AMBRA1: variants seen among roughly 807,000 people sequenced by gnomAD.
The protein encoded by AMBRA1 is autophagy and beclin 1 regulator 1.
AMBRA1 carries 47 observed loss-of-function variants against 125.4 expected under a neutral mutation model. The observed-to-expected ratio is 0.37, with a 90% confidence interval of 0.30 to 0.48. AMBRA1 has a LOEUF of 0.48. Ranked by LOEUF, AMBRA1 falls within the 20% of genes least tolerant of loss-of-function variation. The pLI is 0.99. For synonymous variants in AMBRA1, 626 were observed against 655.5 expected, an observed-to-expected ratio of 0.95 and a Z score of 0.69; for missense variants, 1,331 against 1,693.4, an observed-to-expected ratio of 0.79 and a Z score of 3.76.
At chr11:46,574,655 T>G (rs1184749532) in intron 1 of AMBRA1, among the ~76,000 whole-genome samples, 1 of 152,102 alleles carries the variant, frequency 6.6e-6, no homozygotes, top group Non-Finnish European at 1.5e-5. Context: ...GTAAAGCAGG[T>G]CAAAGTTGAG....
intron 7 of AMBRA1, among the ~76,000 whole-genome samples, chr11:46,515,640 G>T (rs944937279): frequency 6.6e-6 from 1 of 152,130 alleles, no homozygotes; most frequent in Non-Finnish European, 1.5e-5. Flanking sequence ...GATCTGAAGG[G>T]TTTGCATTAG....
At position 46,397,298 on chromosome 11, in the gene AMBRA1, CACTG is replaced by C. The variant is rs1359005427; in HGVS notation, c.*148_*151del. ...CTTGCCCATTTGACTGTCTTGTGCC[CACTG>C]ACTGATCTTCCTCTCCACCCTGACC... On this transcript the variant is annotated 3_prime_UTR_variant, in exon 18 of 18. Coordinates refer to ENST00000683756, the MANE Select transcript of AMBRA1 (RefSeq NM_001387011.1). 3.6e-6 allele frequency: 4 copies of C among 1,101,076 alleles called. No homozygotes were observed. Among genetic ancestry groups the C allele is most frequent in the Non-Finnish European group, 4.8e-6 (4 of 835,012 alleles). 68.2% of individuals were successfully genotyped at this position (1,101,076 alleles called of 1,614,324 possible).
At chr11:46,489,455 T>G (rs1950389586) in intron 11 of AMBRA1, among the ~76,000 whole-genome samples, 1 of 152,062 alleles carries the variant, frequency 6.6e-6, no homozygotes, top group Admixed American at 6.5e-5. Flanking sequence ...GTTTTTCTTT[T>G]TTATATTTAA....
chr11:46,518,027 C>T (rs1951582523), intron 7 of AMBRA1: 1 of 761,766 alleles, frequency 1.3e-6, no homozygotes, highest in Non-Finnish European at 1.6e-6. Context: ...ATCCTCTATA[C>T]GTTTTCTGCA....
intron 6 of AMBRA1, among the ~76,000 whole-genome samples, chr11:46,543,733 A>G (rs923480523): frequency 6.6e-6 from 1 of 152,128 alleles, no homozygotes; most frequent in Non-Finnish European, 1.5e-5. Flanking sequence ...GCTATCCAAC[A>G]CTGTCTAGTG....
At chr11:46,456,407 C>A (rs965781084) in intron 11 of AMBRA1, among the ~76,000 whole-genome samples, 8 of 152,204 alleles carry the variant, frequency 5.3e-5, no homozygotes, top group Admixed American at 2.6e-4. Context: ...AGGACACTGG[C>A]TTAGGTGGGT....
intron 11 of AMBRA1, among the ~76,000 whole-genome samples, chr11:46,456,793 C>T (rs921776403): frequency 6.6e-6 from 1 of 152,170 alleles, no homozygotes; most frequent in Non-Finnish European, 1.5e-5. Flanking sequence ...ATGTGCTGAA[C>T]GTGGGTTTGA....
At chr11:46,409,261 C>T (rs1292199502) in intron 16 of AMBRA1, among the ~76,000 whole-genome samples, 2 of 151,614 alleles carry the variant, frequency 1.3e-5, no homozygotes, top group Middle Eastern at 3.4e-3. Flanking sequence ...GCTGTAGTGG[C>T]GCAATCTCAG....
intron 14 of AMBRA1, chr11:46,429,273 T>A (rs892236462): frequency 3.6e-6 from 3 of 830,978 alleles, no homozygotes; most frequent in Non-Finnish European, 5.8e-6. Flanking sequence ...CAGAAATCGG[T>A]GTGTGGGGAG....
intron 6 of AMBRA1, among the ~76,000 whole-genome samples, chr11:46,543,639 T>A (rs1366077773): frequency 2.0e-5 from 3 of 152,148 alleles, no homozygotes; most frequent in Admixed American, 2.0e-4. Context: ...ACAAACCAAT[T>A]GTCTTACAAA....
intron 14 of AMBRA1, among the ~76,000 whole-genome samples, chr11:46,418,757 T>C (rs1192769781): frequency 6.6e-6 from 1 of 152,130 alleles, no homozygotes; most frequent in African/African-American, 2.4e-5. Flanking sequence ...TTTTAAGAAA[T>C]ACTAGGGGAC....
intron 12 of AMBRA1, among the ~76,000 whole-genome samples, chr11:46,440,594 A>G (rs1339514038): frequency 6.6e-6 from 1 of 152,184 alleles, no homozygotes; most frequent in Non-Finnish European, 1.5e-5. Context: ...AATTTTAAAT[A>G]AATTATGGCC....
chr11:46,433,324 C>G (rs1007336068), intron 14 of AMBRA1, 150 bp downstream of exon 14: 135 of 932,750 alleles, frequency 1.4e-4, no homozygotes, highest in Non-Finnish European at 2.0e-4. Context: ...GCCTGCTGGT[C>G]ATGGATGGGC....
intron 1 of AMBRA1, among the ~76,000 whole-genome samples, chr11:46,572,033 T>C (rs868196532): frequency 1.8e-4 from 27 of 152,132 alleles, no homozygotes; most frequent in Non-Finnish European, 1.0e-4. Context: ...CCAGGCGTGG[T>C]AGCTCACGCC....
At chr11:46,492,109 G>A (rs1487488810) in intron 11 of AMBRA1, among the ~76,000 whole-genome samples, 3 of 152,204 alleles carry the variant, frequency 2.0e-5, no homozygotes, top group Non-Finnish European at 2.9e-5. Context: ...AGAAGTGCCA[G>A]GCAAGGAGAG....
chr11:46,414,708 G>A (rs569992458), intron 15 of AMBRA1, among the ~76,000 whole-genome samples: 1 of 152,292 alleles, frequency 6.6e-6, no homozygotes, highest in Admixed American at 6.5e-5. Flanking sequence ...AGTGCAGGTG[G>A]GGGAGCAGAG....
intron 1 of AMBRA1, among the ~76,000 whole-genome samples, chr11:46,592,961 GACA>G (rs1209707183): frequency 1.3e-5 from 2 of 148,450 alleles, no homozygotes; most frequent in Non-Finnish European, 2.9e-5. Flanking sequence ...AAACAATGTA[GACA>G]ACAAGGTTAT....
intron 7 of AMBRA1, among the ~76,000 whole-genome samples, chr11:46,529,135 C>A (rs1415420744): frequency 6.6e-6 from 1 of 152,160 alleles, no homozygotes; most frequent in East Asian, 1.9e-4. Context: ...TGGAACCCAC[C>A]ACTCTGTCCA....
intron 5 of AMBRA1, 81 bp from the exon 6 acceptor site, chr11:46,544,122 A>G (rs1952885167): frequency 1.8e-6 from 2 of 1,138,368 alleles, no homozygotes; most frequent in Non-Finnish European, 2.6e-6. Context: ...GTTTGAATTT[A>G]TAGCAATCAT....
Sources: gnomAD v4.1 joint callset for allele counts (sites outside exome capture counted in the v4.1 genomes callset) on GRCh38, gnomAD v4.1.1 for gene constraint, MANE v1.5 for transcripts, NCBI Gene and HGNC (gene_info 2026-07-23, HGNC 2026-07-21) for gene names.